The following ATXN10 variants were observed in gnomAD, a reference collection of about 807,000 sequenced individuals.
ATXN10 encodes the protein ataxin 10.
In ATXN10, 28 loss-of-function variants were observed where a neutral mutation model predicts 52.9. That is an observed-to-expected ratio of 0.53 (90% CI 0.39 to 0.73). ATXN10 has a LOEUF of 0.73. ATXN10 is among the 30% of genes least tolerant of loss of function. The pLI is 0.00. For missense variants in ATXN10, 565 were observed against 577.0 expected (o/e 0.98, Z 0.21); for synonymous variants, 226 against 221.5 (o/e 1.02, Z -0.18).
intron 10 of ATXN10, among the ~76,000 whole-genome samples, chr22:45,831,855 T>G (rs1929003346): frequency 6.6e-6 from 1 of 152,238 alleles, no homozygotes; most frequent in Non-Finnish European, 1.5e-5. Flanking sequence ...CGTGGTGGCC[T>G]TTAAGCCCAC....
intron 5 of ATXN10, among the ~76,000 whole-genome samples, chr22:45,713,300 T>G (rs1016264125): frequency 6.6e-6 from 1 of 152,154 alleles, no homozygotes; most frequent in Non-Finnish European, 1.5e-5. Context: ...TGAGAAAGAT[T>G]GAGAGAAGGA....
At chr22:45,822,758 G>T (rs1338376102) in intron 10 of ATXN10, among the ~76,000 whole-genome samples, 2 of 151,958 alleles carry the variant, frequency 1.3e-5, no homozygotes, top group Non-Finnish European at 2.9e-5. Context: ...CTGACCTCAG[G>T]TGATCCGTCT....
intron 7 of ATXN10, chr22:45,734,529 G>A (rs1180265868): frequency 6.9e-6 from 1 of 144,366 alleles, no homozygotes; most frequent in Admixed American, 6.8e-5. Context: ...CTGGCCTCTG[G>A]ATTTTTTTTT....
intron 9 of ATXN10, among the ~76,000 whole-genome samples, chr22:45,801,917 T>G (rs1250453853): frequency 6.6e-6 from 1 of 152,204 alleles, no homozygotes; most frequent in Non-Finnish European, 1.5e-5. Context: ...GAGGTGGGTA[T>G]GGCCCTCTTG....
intron 2 of ATXN10, among the ~76,000 whole-genome samples, chr22:45,692,201 T>G (rs751688907): frequency 2.0e-5 from 3 of 152,204 alleles, no homozygotes; most frequent in Non-Finnish European, 4.4e-5. Context: ...CAATTTTTAT[T>G]TTCTTTTTTG....
chr22:45,713,029 G>C (rs1396860827), intron 5 of ATXN10, among the ~76,000 whole-genome samples: 3 of 151,864 alleles, frequency 2.0e-5, no homozygotes, highest in Non-Finnish European at 4.4e-5. Context: ...CATGTTGTGA[G>C]TATAGCATCG....
rs1418997545 is a variant in ATXN10, at chr22:45,754,275, C to G, written c.1173+13737C>G. ...TTAAATTCTAGGATATTCTTGCTTT[C>G]TACCCAGGCAACACCTCACATGTTG... On this transcript the variant is annotated intron_variant, in intron 9 of 11. Transcript: ENST00000252934. The surrounding 1 kb of genome is among the most constrained non-coding windows in gnomAD (Gnocchi z 5.4). Among the ~76,000 whole-genome samples, 1 of 152,246 alleles carries G rather than the reference C, an allele frequency of 6.6e-6. No homozygotes were observed. Among genetic ancestry groups the G allele is most frequent in the East Asian group, 1.9e-4 (1 of 5,202 alleles).
At position 45,783,933 on chromosome 22, in the gene ATXN10, G is replaced by A. The variant is rs1375666463; in HGVS notation, c.1174-23026G>A. ...AGGCTGGTGAGAGTTTGGCACTTGA[G>A]ATGTCTTCCTAGGTCTGCTGAGGCT... is the stretch of plus-strand genomic sequence containing the variant. On this transcript the variant is annotated intron_variant, in intron 9 of 11. Coordinates refer to ENST00000252934, the MANE Select transcript of ATXN10 (RefSeq NM_013236.4). This position sits in a 1 kb window ranked among gnomAD's most constrained non-coding sequence, Gnocchi z 5.0. Among the ~76,000 whole-genome samples, 2 of 152,156 alleles carry A rather than the reference G, an allele frequency of 1.3e-5. No homozygotes were observed. The highest frequency in any genetic ancestry group is 3.9e-4 in the East Asian group (2 of 5,186).
intron 10 of ATXN10, among the ~76,000 whole-genome samples, chr22:45,809,485 A>C (rs1036086740): frequency 6.6e-6 from 1 of 152,172 alleles, no homozygotes; most frequent in Admixed American, 6.5e-5. Context: ...ACTTTTGTAT[A>C]TCTAAATAAT....
intron 3 of ATXN10, among the ~76,000 whole-genome samples, chr22:45,697,946 T>A (rs764308602): frequency 3.3e-4 from 50 of 152,356 alleles, no homozygotes; most frequent in Admixed American, 1.7e-3. Flanking sequence ...ATAATGTTTT[T>A]AAGGTTCATC....
At chr22:45,729,658 C>T in intron 7 of ATXN10, 68 bp downstream of exon 7, 3 of 1,524,714 alleles carry the variant, frequency 2.0e-6, no homozygotes, top group Non-Finnish European at 2.7e-6. Context: ...CAGCCAAGTC[C>T]TGTATGAGAA....
At chr22:45,714,574 G>A (rs1238680146) in intron 5 of ATXN10, among the ~76,000 whole-genome samples, 2 of 151,996 alleles carry the variant, frequency 1.3e-5, no homozygotes, top group African/African-American at 4.8e-5. Context: ...TAGAGATGGG[G>A]TCTCACTATG....
chr22:45,765,456 CCT>C (rs1197977599), intron 9 of ATXN10, among the ~76,000 whole-genome samples: 1 of 152,008 alleles, frequency 6.6e-6, no homozygotes, highest in South Asian at 2.1e-4. Flanking sequence ...GTGAATTATT[CCT>C]CTCTCTCTCC....
chr22:45,672,407 C>T (rs1922496944), intron 1 of ATXN10: 4 of 275,410 alleles, frequency 1.5e-5, no homozygotes, highest in Non-Finnish European at 2.4e-5. Flanking sequence ...CCACCGCAGC[C>T]AGTCCGGGTG....
At position 45,843,082 on chromosome 22, in the gene ATXN10, G is replaced by A; in HGVS notation, c.1329G>A (p.Gly443=). Residue 443 remains glycine, a synonymous_variant, in exon 11 of 12, where the codon GGG becomes GGA. Coordinates refer to ENST00000252934, the MANE Select transcript of ATXN10 (RefSeq NM_013236.4). The surrounding 1 kb of genome is among the most constrained non-coding windows in gnomAD (Gnocchi z 4.5). ...QDLIAKMEEQ[G]LADASLLKKV... ...TGATTGCAAAGATGGAGGAACAGGG[G>A]CTGGCAGATGCATCCCTACTTAAAA... 1 of 1,614,172 alleles carries A rather than the reference G, an allele frequency of 6.2e-7. No individual in the cohort carries two copies. Among genetic ancestry groups the A allele is most frequent in the Non-Finnish European group, 8.5e-7 (1 of 1,180,030 alleles).
chr22:45,788,388 T>G (rs1035769357), intron 9 of ATXN10, among the ~76,000 whole-genome samples: 1 of 151,470 alleles, frequency 6.6e-6, no homozygotes, highest in African/African-American at 2.4e-5. Flanking sequence ...AATCTTCCAG[T>G]TGTTTCTTTC....
chr22:45,717,110 CCTT>C (rs1924477369), intron 5 of ATXN10, among the ~76,000 whole-genome samples: 1 of 152,060 alleles, frequency 6.6e-6, no homozygotes, highest in Admixed American at 6.6e-5. Flanking sequence ...ATCTTCTTTT[CCTT>C]CTTCTAGGGA....
chr22:45,694,940 C>CAAAAAAAAAA (rs748780048), intron 3 of ATXN10, among the ~76,000 whole-genome samples: 1 of 21,916 alleles, frequency 4.6e-5, no homozygotes, highest in African/African-American at 1.5e-4. Context: ...GACTCTGTCT[C>CAAAAAAAAAA]AAAAAAAAAA....
intron 5 of ATXN10, among the ~76,000 whole-genome samples, chr22:45,714,710 T>C (rs1158099018): frequency 6.6e-6 from 1 of 152,230 alleles, no homozygotes; most frequent in African/African-American, 2.4e-5. Context: ...TAAAAGTTTT[T>C]GATTTTTTTA....
Sources: allele counts gnomAD v4.1 joint callset (sites outside exome capture counted in the v4.1 genomes callset), GRCh38; gene constraint gnomAD v4.1.1; non-coding constraint Gnocchi (gnomAD v3.1); transcripts MANE v1.5; gene names NCBI Gene and HGNC (gene_info 2026-07-23, HGNC 2026-07-21).